ATF1: variants seen among roughly 807,000 people sequenced by gnomAD.
ATF1 encodes the protein activating transcription factor 1, also known as cyclic AMP-dependent transcription factor ATF-1.
Under a neutral mutation model 34.7 loss-of-function variants are expected in ATF1, and 16 were observed. The observed-to-expected ratio is 0.46, with a 90% confidence interval of 0.31 to 0.70. The LOEUF is 0.70. Ranked by LOEUF, ATF1 falls within the 30% of genes least tolerant of loss-of-function variation. The probability of loss-of-function intolerance (pLI) is 0.05; values close to 1 mark genes in which losing one functional copy is unlikely to be tolerated. For missense variants in ATF1, 255 were observed against 321.6 expected, an observed-to-expected ratio of 0.79 and a Z score of 1.58; for synonymous variants, 105 against 113.1, an observed-to-expected ratio of 0.93 and a Z score of 0.46.
chr12:50,796,025 T>C lies in ATF1; in HGVS notation c.194+16T>C, dbSNP rs776191777. 1 of 1,570,058 alleles carries C rather than the reference T, an allele frequency of 6.4e-7. No individual in the cohort carries two copies. Among genetic ancestry groups the C allele is most frequent in the East Asian group, 2.2e-5 (1 of 44,642 alleles). Reference sequence around the variant, plus strand: ...CATCTTACAGGTGAGTACTCTCTTGTATGAAGCCCTGCATGTTATGATAGT... The same window carrying C: ...CATCTTACAGGTGAGTACTCTCTTGCATGAAGCCCTGCATGTTATGATAGT... On this transcript the variant is annotated intron_variant, in intron 3 of 6. Transcript: ENST00000262053.
chr12:50,771,835 C>T (rs561954113), intron 1 of ATF1, among the ~76,000 whole-genome samples: 3 of 152,150 alleles, frequency 2.0e-5, no homozygotes, highest in Admixed American at 1.3e-4. Context: ...GACCTCTGGT[C>T]GTCGTCACTG....
chr12:50,801,965 G>A (rs6580770), intron 3 of ATF1, among the ~76,000 whole-genome samples: 140,639 of 152,218 alleles, frequency 0.92, 65,415 homozygotes, highest in Non-Finnish European at 0.98. Context: ...AAAGGACTAA[G>A]TAAAACACTT....
At chr12:50,799,490 A>G (rs1423040876) in intron 3 of ATF1, among the ~76,000 whole-genome samples, 10 of 152,228 alleles carry the variant, frequency 6.6e-5, no homozygotes, top group Non-Finnish European at 1.5e-5. Context: ...TTGGTATCAA[A>G]GAACAAGGAA....
Position 50,814,118 on chromosome 12 carries a change from C to G in ATF1, c.437C>G (p.Thr146Arg), listed in dbSNP as rs745616735. The G allele has an allele frequency of 9.9e-5, 159 of 1,614,088 alleles. No individual in the cohort carries two copies. In the East Asian group the frequency reaches 3.5e-3, roughly 35 times the overall value. ...AATTCAGGCAGTACTCAGCAAGGTA[C>G]AACTATTCTTCAGTATGCACAGACC... ...MTNSGSTQQG[T>R]TILQYAQTSD... Residue 146 changes from threonine (T) to arginine (R), a missense_variant, in exon 5 of 7, where the codon ACA becomes AGA. Physicochemically the swap from Thr to Arg is moderately conservative, Grantham distance 71. Transcript: ENST00000262053.
chr12:50,782,687 CTTTTTTTTTTT>C (rs71086480), intron 2 of ATF1, among the ~76,000 whole-genome samples: 2,008 of 102,524 alleles, frequency 0.02, 48 homozygotes, highest in African/African-American at 0.049. Flanking sequence ...TGTGGCCAGC[CTTTTTTTTTTT>C]TTTTTTTTTG....
At chr12:50,774,914 A>AT (rs1940876430) in intron 1 of ATF1, among the ~76,000 whole-genome samples, 1 of 151,440 alleles carries the variant, frequency 6.6e-6, no homozygotes, top group Admixed American at 6.6e-5. Flanking sequence ...CGCCCAGCTA[A>AT]TTTTTTGTAT....
At chr12:50,783,484 A>T (rs1348711130) in intron 2 of ATF1, among the ~76,000 whole-genome samples, 1 of 152,140 alleles carries the variant, frequency 6.6e-6, no homozygotes, top group Non-Finnish European at 1.5e-5. Context: ...GTTAGATGTG[A>T]CTCTTCAAAT....
In ATF1 at chr12:50,814,305, T is replaced by C. The variant is rs761297560; in HGVS notation, c.537T>C (p.Tyr179=). Residue 179 remains tyrosine, a synonymous_variant, in exon 6 of 7, where the codon TAT becomes TAC. Transcript: ENST00000262053. ...VQTASGDMQT[Y]QIRTTPSATS... ...CTGCATCAGGAGATATGCAAACATA[T>C]CAGATCCGAACTACACCTTCAGCTA... 8 of 1,614,082 alleles carry C rather than the reference T, an allele frequency of 5.0e-6. No individual in the cohort carries two copies. Among genetic ancestry groups the C allele is most frequent in the South Asian group, 4.4e-5 (4 of 91,080 alleles).
intron 2 of ATF1, among the ~76,000 whole-genome samples, chr12:50,780,734 G>T (rs560522060): frequency 1.3e-5 from 2 of 151,430 alleles, no homozygotes; most frequent in Non-Finnish European, 2.9e-5. Flanking sequence ...AAGTCAGGGC[G>T]GGCGGATCAC....
chr12:50,800,725 C>CCT (rs1941495285), intron 3 of ATF1, among the ~76,000 whole-genome samples: 1 of 152,146 alleles, frequency 6.6e-6, no homozygotes, highest in Non-Finnish European at 1.5e-5. Flanking sequence ...GAAACCATCC[C>CCT]CTGACTTCCC....
chr12:50,806,427 C>G, intron 3 of ATF1: 1 of 473,516 alleles, frequency 2.1e-6, no homozygotes, highest in South Asian at 1.6e-5. Flanking sequence ...TTCCCATCAA[C>G]ACCAGGTTCT....
At chr12:50,807,895 C>T (rs1289404464) in intron 3 of ATF1, among the ~76,000 whole-genome samples, 1 of 151,668 alleles carries the variant, frequency 6.6e-6, no homozygotes, top group Non-Finnish European at 1.5e-5. Context: ...TTGGAGCCTC[C>T]ACCTCCCGGG....
chr12:50,815,943 C>A lies in ATF1; in HGVS notation c.671+1504C>A, dbSNP rs959841394. Among the ~76,000 whole-genome samples, 3 of 152,224 alleles carry A rather than the reference C, an allele frequency of 2.0e-5. No homozygotes were observed. The South Asian group carries it at 6.2e-4, about 32-fold the overall frequency. On this transcript the variant is annotated intron_variant, in intron 6 of 6. Transcript: ENST00000262053. ...CAGCAACATGGATGGAATTGAAGGT[C>A]AGTATCTTAAGTGAAATAAGCCAGG...
intron 1 of ATF1, among the ~76,000 whole-genome samples, chr12:50,777,846 C>T (rs1940962470): frequency 6.6e-6 from 1 of 151,766 alleles, no homozygotes; most frequent in Non-Finnish European, 1.5e-5. Flanking sequence ...TTAAACTCCA[C>T]AGTTATTAAT....
chr12:50,772,028 T>A (rs1240171634), intron 1 of ATF1, among the ~76,000 whole-genome samples: 2 of 152,188 alleles, frequency 1.3e-5, no homozygotes, highest in African/African-American at 4.8e-5. Flanking sequence ...GAGTAGCCGT[T>A]CTTTTATTCC....
intron 1 of ATF1, among the ~76,000 whole-genome samples, chr12:50,774,486 A>T (rs1415069787): frequency 6.6e-6 from 1 of 152,132 alleles, no homozygotes; most frequent in Admixed American, 6.5e-5. Flanking sequence ...ACTTTGGGTT[A>T]TCTCCTGTTA....
intron 6 of ATF1, among the ~76,000 whole-genome samples, chr12:50,818,430 A>AAAAG (rs1489010472): frequency 2.0e-5 from 3 of 152,222 alleles, no homozygotes. Context: ...AGAAAAAAGA[A>AAAAG]AAAGAATGTT....
chr12:50,815,397 T>C (rs534231431), intron 6 of ATF1, among the ~76,000 whole-genome samples: 24 of 152,246 alleles, frequency 1.6e-4, no homozygotes, highest in African/African-American at 5.5e-4. Context: ...TTGTGATTTT[T>C]TTTTTTAAGA....
intron 1 of ATF1, among the ~76,000 whole-genome samples, chr12:50,772,230 T>G (rs1280739127): frequency 6.6e-6 from 1 of 152,018 alleles, no homozygotes. Context: ...GGGTACAAAG[T>G]GTCTCCCAAA....
Sources: allele counts gnomAD v4.1 joint callset (sites outside exome capture counted in the v4.1 genomes callset), GRCh38; gene constraint gnomAD v4.1.1; transcripts MANE v1.5; gene names NCBI Gene and HGNC (gene_info 2026-07-23, HGNC 2026-07-21).